VPS54: variants seen among roughly 807,000 people sequenced by gnomAD.
VPS54 encodes vacuolar protein sorting-associated protein 54.
VPS54 carries 45 observed loss-of-function variants against 121.5 expected under a neutral mutation model. That is an observed-to-expected ratio of 0.37 (90% confidence interval 0.29 to 0.47). The LOEUF (loss-of-function observed/expected upper bound fraction) is 0.47, where lower values mean the gene tolerates loss of function less well. Among genes scored for constraint, VPS54 ranks in the 20% least tolerant of loss-of-function variants. VPS54 has a pLI of 0.99. For synonymous variants in VPS54, 371 were observed against 385.8 expected (o/e 0.96, Z 0.45); for missense variants, 1,090 against 1,131.4 (o/e 0.96, Z 0.52).
At chr2:63,946,335 C>G (rs1403410362) in intron 9 of VPS54, among the ~76,000 whole-genome samples, 1 of 152,030 alleles carries the variant, frequency 6.6e-6, no homozygotes, top group Non-Finnish European at 1.5e-5. Context: ...AATAGTACTG[C>G]CAGGAACATT....
intron 1 of VPS54, among the ~76,000 whole-genome samples, chr2:63,997,758 G>A (rs950296208): frequency 6.6e-6 from 1 of 151,546 alleles, no homozygotes; most frequent in Non-Finnish European, 1.5e-5. Flanking sequence ...GCTTGCTCTT[G>A]CTTTTCCCTT....
At chr2:64,005,262 C>A (rs1678082928) in intron 1 of VPS54, among the ~76,000 whole-genome samples, 1 of 150,940 alleles carries the variant, frequency 6.6e-6, no homozygotes, top group Non-Finnish European at 1.5e-5. Context: ...CGCCACCGCG[C>A]CCGGCTAATT....
intron 1 of VPS54, among the ~76,000 whole-genome samples, chr2:63,994,543 T>C (rs1000810252): frequency 2.6e-5 from 4 of 152,166 alleles, no homozygotes; most frequent in African/African-American, 7.2e-5. Flanking sequence ...AATGTTACCA[T>C]GGGTTACAAA....
chr2:63,969,480 AG>A (rs1676163544), intron 4 of VPS54, among the ~76,000 whole-genome samples: 2 of 152,274 alleles, frequency 1.3e-5, no homozygotes, highest in South Asian at 4.2e-4. Context: ...CACATGTCAG[AG>A]ATCTAGGTTG....
At chr2:63,960,650 G>T (rs1407130810) in intron 7 of VPS54, among the ~76,000 whole-genome samples, 1 of 152,104 alleles carries the variant, frequency 6.6e-6, no homozygotes, top group East Asian at 1.9e-4. Flanking sequence ...ATATTATACA[G>T]TAAGTGATAA....
chr2:63,923,096 G>A (rs760787300), intron 12 of VPS54, among the ~76,000 whole-genome samples: 1 of 152,072 alleles, frequency 6.6e-6, no homozygotes, highest in Admixed American at 6.5e-5. Flanking sequence ...GGCAGATCAT[G>A]AGGTCAGGAG....
intron 3 of VPS54, among the ~76,000 whole-genome samples, chr2:63,978,247 A>C (rs577844875): frequency 1.3e-5 from 2 of 152,336 alleles, no homozygotes; most frequent in African/African-American, 4.8e-5. Flanking sequence ...GAAACTGCCA[A>C]ACTTTTTTCC....
intron 1 of VPS54, among the ~76,000 whole-genome samples, chr2:63,985,900 A>G (rs1185059537): frequency 6.6e-6 from 1 of 152,232 alleles, no homozygotes; most frequent in African/African-American, 2.4e-5. Context: ...CACATATTTA[A>G]GAGAGATAAA....
Position 63,944,623 on chromosome 2 carries a change from T to G in VPS54, c.1278A>C (p.Glu426Asp). The change falls in exon 10 of 23, where the codon GAA becomes GAC. Residue 426 changes from glutamate (E) to aspartate (D), a missense_variant. Physicochemically the swap from Glu to Asp is conservative, Grantham distance 45. This residue lies in a region of VPS54 where 801 missense variants were observed against 757.0 expected (regional missense o/e 1.06). Coordinates refer to ENST00000272322, the MANE Select transcript of VPS54 (RefSeq NM_016516.3). Reference protein sequence around the residue: ...CVINKVSQTEEIDTDVVVKLA... With the variant: ...CVINKVSQTEDIDTDVVVKLA... ...ACTTCACAACAACATCTGTGTCTAT[T>G]TCTTCTGTTTGTGAAACTTTATTAA... 5.6e-6 allele frequency: 9 copies of G among 1,610,576 alleles called. No homozygotes were observed. The highest frequency in any genetic ancestry group is 7.6e-6 in the Non-Finnish European group (9 of 1,178,642).
At chr2:63,966,031 ACAT>A (rs1393408365) in intron 5 of VPS54, 65 bp from the exon 6 acceptor site, 2 of 1,491,446 alleles carry the variant, frequency 1.3e-6, no homozygotes, top group Non-Finnish European at 1.8e-6. Context: ...ATCTCTTCTA[ACAT>A]CATGATCATT....
At chr2:63,978,073 T>C (rs72808265) in intron 3 of VPS54, among the ~76,000 whole-genome samples, 11 of 152,226 alleles carry the variant, frequency 7.2e-5, no homozygotes, top group Non-Finnish European at 1.3e-4. Flanking sequence ...TATGATCTTA[T>C]GATTAGGTTT....
At chr2:64,003,892 A>G (rs1368388729) in intron 1 of VPS54, among the ~76,000 whole-genome samples, 1 of 152,180 alleles carries the variant, frequency 6.6e-6, no homozygotes, top group Non-Finnish European at 1.5e-5. Context: ...CGTGGTGCCC[A>G]GACTTCTGTT....
chr2:63,923,310 A>G (rs1358101614), intron 12 of VPS54, among the ~76,000 whole-genome samples: 3 of 151,936 alleles, frequency 2.0e-5, no homozygotes, highest in Non-Finnish European at 4.4e-5. Context: ...AGTGAGGAAA[A>G]AAAAAAAGAA....
intron 7 of VPS54, among the ~76,000 whole-genome samples, chr2:63,950,022 CGTCAA>C (rs1399437648): frequency 6.6e-6 from 1 of 152,138 alleles, no homozygotes; most frequent in Non-Finnish European, 1.5e-5. Flanking sequence ...CACTCATCTC[CGTCAA>C]GTCATCTTCT....
Position 63,893,169 on chromosome 2 carries a change from A to G in VPS54, c.*261T>C. 1 of 511,856 alleles carries G rather than the reference A, an allele frequency of 2.0e-6. No homozygotes were observed. Among genetic ancestry groups the G allele is most frequent in the South Asian group, 2.1e-5 (1 of 48,192 alleles). 31.7% of individuals were successfully genotyped at this position (511,856 alleles called of 1,614,324 possible). On this transcript the variant is annotated 3_prime_UTR_variant, in exon 23 of 23. Transcript: ENST00000272322. The stretch of plus-strand genomic sequence containing the variant: ...GTTCTTTTGGATTTGGTCCAAAGAA[A>G]CCTGAGTCTGTTTCCAGAGAGAATG...
chr2:64,008,372 C>G (rs1292330716), intron 1 of VPS54, among the ~76,000 whole-genome samples: 1 of 151,022 alleles, frequency 6.6e-6, no homozygotes, highest in Non-Finnish European at 1.5e-5. Context: ...CAAGATCATG[C>G]CATTGAACTC....
intron 3 of VPS54, among the ~76,000 whole-genome samples, chr2:63,976,157 C>A (rs190152471): frequency 5.3e-5 from 8 of 152,130 alleles, no homozygotes; most frequent in Admixed American, 1.3e-4. Flanking sequence ...GCCTGGACAA[C>A]ATGGCAAAAC....
chr2:63,996,604 G>A (rs1417907066), intron 1 of VPS54, among the ~76,000 whole-genome samples: 2 of 152,186 alleles, frequency 1.3e-5, no homozygotes, highest in Non-Finnish European at 2.9e-5. Flanking sequence ...CCAAAAACGA[G>A]TAAGAGAAAT....
intron 1 of VPS54, 24 bp downstream of exon 1, chr2:64,018,914 C>CG: frequency 1.2e-5 from 1 of 85,066 alleles, no homozygotes; most frequent in Non-Finnish European, 2.3e-5. Flanking sequence ...CTGAGACGCG[C>CG]GGGGGGCCGC....
Sources: allele counts gnomAD v4.1 joint callset (sites outside exome capture counted in the v4.1 genomes callset), GRCh38; gene constraint gnomAD v4.1.1; regional missense constraint gnomAD v4.1.1; transcripts MANE v1.5; gene names NCBI Gene and HGNC (gene_info 2026-07-23, HGNC 2026-07-21).